Variants in MRPS5 observed in about 807,000 individuals in gnomAD.
MRPS5 encodes small ribosomal subunit protein uS5m.
A neutral mutation model predicts 51.9 loss-of-function variants in MRPS5; 27 were observed. The observed-to-expected ratio is 0.52, with a 90% CI of 0.38 to 0.72. The LOEUF (loss-of-function observed/expected upper bound fraction) is 0.72, where lower values mean the gene tolerates loss of function less well. Among genes scored for constraint, MRPS5 ranks in the 30% least tolerant of loss-of-function variants. MRPS5 has a pLI of 0.00. For synonymous variants in MRPS5, 196 were observed against 193.2 expected (o/e 1.01, Z -0.12); for missense variants, 570 against 545.7 (o/e 1.04, Z -0.44).
intron 7 of MRPS5, 65 bp downstream of exon 7, chr2:95,104,575 C>T (rs749989958): frequency 1.3e-6 from 2 of 1,542,360 alleles, no homozygotes; most frequent in Non-Finnish European, 1.8e-6. Context: ...GGCTCCACAG[C>T]ATGGCCCGTG....
At chr2:95,098,796 C>T (rs1433206651) in intron 10 of MRPS5, among the ~76,000 whole-genome samples, 3 of 151,788 alleles carry the variant, frequency 2.0e-5, no homozygotes, top group Non-Finnish European at 4.4e-5. Flanking sequence ...ATGTAACAAA[C>T]CTGCACATTG....
At chr2:95,110,251 C>G (rs996200185) in intron 3 of MRPS5, among the ~76,000 whole-genome samples, 2 of 152,188 alleles carry the variant, frequency 1.3e-5, no homozygotes, top group Non-Finnish European at 2.9e-5. Flanking sequence ...TACTTTCCTC[C>G]ACAAAACTCT....
chr2:95,117,713 T>G, intron 2 of MRPS5, 152 bp downstream of exon 2: 5 of 632,332 alleles, frequency 7.9e-6, no homozygotes, highest in Non-Finnish European at 1.4e-5. Context: ...ATAAAGAATG[T>G]GATTATTGCA....
chr2:95,110,096 A>G (rs1274794467), intron 3 of MRPS5, 55 bp from the exon 4 acceptor site: 20 of 1,581,756 alleles, frequency 1.3e-5, no homozygotes, highest in Non-Finnish European at 1.6e-5. Context: ...GCAATGGTCT[A>G]TGATCTCCTA....
At chr2:95,114,269 T>C (rs1205264603) in intron 3 of MRPS5, among the ~76,000 whole-genome samples, 3 of 151,812 alleles carry the variant, frequency 2.0e-5, no homozygotes, top group Non-Finnish European at 4.4e-5. Flanking sequence ...TTTTTTTTTT[T>C]CTTTTGGAGA....
chr2:95,097,347 T>C (rs1675657111), intron 10 of MRPS5, among the ~76,000 whole-genome samples: 1 of 152,014 alleles, frequency 6.6e-6, no homozygotes, highest in East Asian at 1.9e-4. Flanking sequence ...TACTTTAAAG[T>C]GCATATGGAG....
At chr2:95,121,600 A>C (rs1411993669) in intron 1 of MRPS5, 134 bp downstream of exon 1, 21 of 966,710 alleles carry the variant, frequency 2.2e-5, no homozygotes, top group Non-Finnish European at 3.1e-5. Context: ...GCTCCGGCGG[A>C]AGGTGGGGGC....
chr2:95,104,798 C>T (rs554949069), intron 6 of MRPS5, 68 bp from the exon 7 acceptor site: 32 of 1,451,596 alleles, frequency 2.2e-5, no homozygotes, highest in Admixed American at 5.3e-5. Context: ...TGGAGGGAGC[C>T]GCCTTCCTTG....
At chr2:95,106,363 TG>T in intron 6 of MRPS5, 59 bp downstream of exon 6, 1 of 599,382 alleles carries the variant, frequency 1.7e-6, no homozygotes, top group Non-Finnish European at 3.3e-6. Flanking sequence ...GCCCTGTCCC[TG>T]CCCCACCCAC....
chr2:95,101,770 C>T (rs1270647399), intron 7 of MRPS5, 47 bp from the exon 8 acceptor site: 3 of 1,460,176 alleles, frequency 2.1e-6, no homozygotes, highest in African/African-American at 1.4e-5. Context: ...AAATTTTGCC[C>T]ATGTGGTTTT....
chr2:95,108,517 G>A, intron 4 of MRPS5, 109 bp from the exon 5 acceptor site: 2 of 885,446 alleles, frequency 2.3e-6, no homozygotes, highest in Non-Finnish European at 3.4e-6. Flanking sequence ...GTTCACTGGA[G>A]CTTAAGCTAA....
chr2:95,087,152 T>G lies in MRPS5; in HGVS notation c.*205A>C. The G allele has an allele frequency of 6.0e-6, 3 of 497,470 alleles. No homozygotes were observed. Among genetic ancestry groups the G allele is most frequent in the East Asian group, 3.1e-5 (1 of 31,856 alleles). 30.8% of individuals were successfully genotyped at this position (497,470 alleles called of 1,614,324 possible). On this transcript the variant is annotated 3_prime_UTR_variant, in exon 12 of 12. Transcript: ENST00000272418. ...ATGAATATTTAAAGTAGTCTTGAAC[T>G]GAGATATGTATGTAAAGGTTCTATC...
Position 95,087,244 on chromosome 2 carries a change from A to AT in MRPS5, c.*112dup. 1 of 728,382 alleles carries AT rather than the reference A, an allele frequency of 1.4e-6. No individual in the cohort carries two copies. The highest frequency in any genetic ancestry group is 2.3e-6 in the Non-Finnish European group (1 of 443,102). The allele number at this position is 728,382 out of a possible 1,614,324, so 45.1% of individuals were successfully genotyped here. On this transcript the variant is annotated 3_prime_UTR_variant, in exon 12 of 12. Coordinates refer to ENST00000272418, the MANE Select transcript of MRPS5 (RefSeq NM_031902.5). Reference sequence around the variant, plus strand: ...TTATTTATTTCCAAAGAGTTTAAAGATTAAACTTCCCTCAAAACAAACAAA... The same window carrying AT: ...TTATTTATTTCCAAAGAGTTTAAAGATTTAAACTTCCCTCAAAACAAACAAA...
chr2:95,107,519 C>A (rs1300298173), intron 5 of MRPS5, among the ~76,000 whole-genome samples: 1 of 152,178 alleles, frequency 6.6e-6, no homozygotes, highest in Non-Finnish European at 1.5e-5. Flanking sequence ...ATCCTCCTGA[C>A]TGAAGCATTT....
chr2:95,104,396 T>G (rs1265398549), intron 7 of MRPS5: 1 of 524,808 alleles, frequency 1.9e-6, no homozygotes, highest in African/African-American at 1.9e-5. Context: ...AAATAATGTC[T>G]TCAGCCTTTT....
chr2:95,105,512 T>C (rs937985440), intron 6 of MRPS5, among the ~76,000 whole-genome samples: 1 of 149,784 alleles, frequency 6.7e-6, no homozygotes, highest in African/African-American at 2.5e-5. Context: ...ACCACTGTAC[T>C]CCAGACTGGC....
rs1233838542 is a variant in MRPS5 at position 95,085,863 on chromosome 2, A to G, written c.*1494T>C. On this transcript the variant is annotated 3_prime_UTR_variant, in exon 12 of 12. Coordinates refer to ENST00000272418, the MANE Select transcript of MRPS5 (RefSeq NM_031902.5). The stretch of plus-strand genomic sequence containing the variant: ...ACATTGTAAACTTGAATGAGAAAAA[A>G]CCTCAAGGGATGTCAACACTAAGAT... Among the ~76,000 whole-genome samples, 2 of 151,952 alleles carry G rather than the reference A, an allele frequency of 1.3e-5. No homozygotes were observed. Among genetic ancestry groups the G allele is most frequent in the African/African-American group, 4.8e-5 (2 of 41,350 alleles).
At position 95,108,205 on chromosome 2, in the gene MRPS5, G is replaced by A; in HGVS notation, c.607C>T (p.Leu203Phe). 6.2e-7 allele frequency: 1 copy of A among 1,614,196 alleles called. No homozygotes were observed. Among genetic ancestry groups the A allele is most frequent in the South Asian group, 1.1e-5 (1 of 91,084 alleles). Residue 203 changes from leucine (L) to phenylalanine (F), a missense_variant, in exon 5 of 12, where the codon CTT (leucine) becomes TTT (phenylalanine). Coordinates refer to ENST00000272418, the MANE Select transcript of MRPS5 (RefSeq NM_031902.5). ...WSGNSWGGIS[L>F]GPPDPGPCGE... is the part of the protein sequence containing the mutation. ...CAGGGACCAGGGTCAGGGGGGCCAA[G>A]ACTGATGCCTCCCCATGAGTTTCCA...
intron 2 of MRPS5, among the ~76,000 whole-genome samples, chr2:95,117,072 C>T (rs1280657884): frequency 2.0e-5 from 3 of 151,144 alleles, no homozygotes; most frequent in South Asian, 2.1e-4. Context: ...ACCCAGGAGG[C>T]GGAGGCTGCA....
Sources: allele counts gnomAD v4.1 joint callset (sites outside exome capture counted in the v4.1 genomes callset), GRCh38; gene constraint gnomAD v4.1.1; transcripts MANE v1.5; gene names NCBI Gene and HGNC (gene_info 2026-07-23, HGNC 2026-07-21).